FMNL2: variants seen among roughly 807,000 people sequenced by gnomAD.
FMNL2 encodes the protein formin like 2, also known as formin-like protein 2.
A neutral mutation model predicts 130.2 loss-of-function variants in FMNL2; 51 were observed. That is an observed-to-expected ratio of 0.39 (90% CI 0.31 to 0.49). The LOEUF (loss-of-function observed/expected upper bound fraction) is 0.49, where lower values mean the gene tolerates loss of function less well. Among genes scored for constraint, FMNL2 ranks in the 20% least tolerant of loss-of-function variants. The pLI, the probability that FMNL2 is intolerant of heterozygous loss-of-function variation, is 0.85. For missense variants in FMNL2, 977 were observed against 1,316.2 expected (o/e 0.74, Z 3.99); for synonymous variants, 465 against 467.1 (o/e 1.00, Z 0.06).
intron 1 of FMNL2, among the ~76,000 whole-genome samples, chr2:152,405,830 G>A (rs1236033650): frequency 1.3e-5 from 2 of 152,210 alleles, no homozygotes; most frequent in African/African-American, 4.8e-5. Flanking sequence ...TCACTTGGCT[G>A]CCTTATTGGA....
chr2:152,409,630 A>G (rs1285254631), intron 1 of FMNL2, among the ~76,000 whole-genome samples: 3 of 152,216 alleles, frequency 2.0e-5, no homozygotes, highest in Non-Finnish European at 4.4e-5. Context: ...ATGACTGCTA[A>G]TGGTGACTCT....
chr2:152,604,999 G>A (rs1485952500), intron 9 of FMNL2, among the ~76,000 whole-genome samples: 1 of 152,066 alleles, frequency 6.6e-6, no homozygotes. Flanking sequence ...GGCAAGAGAT[G>A]CTTGTCTCTT....
At position 152,343,399 on chromosome 2, in the gene FMNL2, G is replaced by A. The variant is rs548781630; in HGVS notation, c.117+7679G>A. Among the ~76,000 whole-genome samples, 7 of 152,204 alleles carry A rather than the reference G, an allele frequency of 4.6e-5. No homozygotes were observed. In the South Asian group the frequency reaches 1.0e-3, roughly 23 times the overall value. On this transcript the variant is annotated intron_variant, in intron 1 of 25. Coordinates refer to ENST00000288670, the MANE Select transcript of FMNL2 (RefSeq NM_052905.4). Reference sequence around the variant, plus strand: ...CAACCTCTGCCTCCTGGGTTCAAGCGATCCTCCTGCCTCAGCCTCCTGAGT... The same window carrying A: ...CAACCTCTGCCTCCTGGGTTCAAGCAATCCTCCTGCCTCAGCCTCCTGAGT...
At chr2:152,634,240 G>A (rs914926801) in intron 21 of FMNL2, among the ~76,000 whole-genome samples, 2 of 152,026 alleles carry the variant, frequency 1.3e-5, no homozygotes, top group Non-Finnish European at 2.9e-5. Context: ...TGAGACCAGC[G>A]TGGCCAACAT....
intron 4 of FMNL2, among the ~76,000 whole-genome samples, chr2:152,557,827 A>G (rs1416592222): frequency 1.3e-5 from 2 of 152,204 alleles, no homozygotes; most frequent in Non-Finnish European, 2.9e-5. Context: ...TGGCAGATGT[A>G]CCTCAAGTGG....
intron 1 of FMNL2, 23 bp downstream of exon 1, chr2:152,335,743 G>C: frequency 6.5e-7 from 1 of 1,543,992 alleles, no homozygotes; most frequent in African/African-American, 1.4e-5. Context: ...CGGCGGTCGG[G>C]CGCGGGGACC....
rs761306675 is a variant in FMNL2 at position 152,335,618 on chromosome 2, G to T, written c.15G>T (p.Gly5=). The T allele has an allele frequency of 6.3e-7, 1 of 1,591,032 alleles. No individual in the cohort carries two copies. Among genetic ancestry groups the T allele is most frequent in the Admixed American group, 1.7e-5 (1 of 58,438 alleles). The change falls in exon 1 of 26, where the codon GGG becomes GGT. Residue 5 remains glycine (G), a synonymous_variant. Coordinates refer to ENST00000288670, the MANE Select transcript of FMNL2 (RefSeq NM_052905.4). The part of the protein sequence containing the change: MGNA[G]SMDSQQTDFR... ...GCGCCGCCGACATGGGCAACGCAGG[G>T]AGCATGGATTCGCAGCAGACCGATT... is the stretch of plus-strand genomic sequence containing the variant.
At chr2:152,490,226 A>AG (rs1448555409) in intron 1 of FMNL2, among the ~76,000 whole-genome samples, 1 of 151,536 alleles carries the variant, frequency 6.6e-6, no homozygotes, top group Non-Finnish European at 1.5e-5. Context: ...AGTGAGCATG[A>AG]GGCCAGCAGT....
At chr2:152,550,907 G>A (rs1007244289) in intron 4 of FMNL2, among the ~76,000 whole-genome samples, 2 of 152,078 alleles carry the variant, frequency 1.3e-5, no homozygotes, top group Non-Finnish European at 2.9e-5. Flanking sequence ...AGAGGCTGAG[G>A]TGGGTGGATC....
intron 6 of FMNL2, among the ~76,000 whole-genome samples, chr2:152,566,606 A>C (rs12476261): frequency 0.16 from 24,401 of 152,234 alleles, 2,292 homozygotes; most frequent in Non-Finnish European, 0.22. Context: ...TTATGGACTT[A>C]GTTTGTAAAG....
chr2:152,397,205 T>A (rs1361022313), intron 1 of FMNL2, among the ~76,000 whole-genome samples: 3 of 152,208 alleles, frequency 2.0e-5, no homozygotes, highest in Non-Finnish European at 4.4e-5. Context: ...AGAAATCTTT[T>A]TTTTTCCCAT....
chr2:152,470,180 A>C (rs758930707), intron 1 of FMNL2, among the ~76,000 whole-genome samples: 7 of 152,142 alleles, frequency 4.6e-5, no homozygotes, highest in Non-Finnish European at 8.8e-5. Flanking sequence ...GAGGTGGGTG[A>C]TATTTGAGGC....
chr2:152,494,453 T>A (rs1019605956), intron 1 of FMNL2, among the ~76,000 whole-genome samples: 1 of 152,216 alleles, frequency 6.6e-6, no homozygotes, highest in African/African-American at 2.4e-5. Flanking sequence ...ACAATAATAA[T>A]GCTGCAGTGT....
chr2:152,564,798 T>TTTTTTA (rs1553477782), intron 6 of FMNL2, among the ~76,000 whole-genome samples: 1 of 146,400 alleles, frequency 6.8e-6, no homozygotes, highest in African/African-American at 2.6e-5. Flanking sequence ...TTTTTTTTTT[T>TTTTTTA]AACCAAATTC....
At chr2:152,515,710 A>G (rs1692730661) in intron 1 of FMNL2, among the ~76,000 whole-genome samples, 2 of 152,144 alleles carry the variant, frequency 1.3e-5, no homozygotes, top group African/African-American at 4.8e-5. Context: ...TTGTCCTCCG[A>G]TTTCCTTCTC....
intron 1 of FMNL2, among the ~76,000 whole-genome samples, chr2:152,388,494 A>G (rs1230246030): frequency 1.3e-5 from 2 of 152,170 alleles, no homozygotes; most frequent in Non-Finnish European, 2.9e-5. Context: ...TGAGAACAGC[A>G]TGAGCCTAAC....
intron 6 of FMNL2, among the ~76,000 whole-genome samples, chr2:152,571,251 G>C (rs764846345): frequency 2.0e-5 from 3 of 152,168 alleles, no homozygotes; most frequent in African/African-American, 7.2e-5. Context: ...CCAGGGGAGT[G>C]CATTGCTGCT....
chr2:152,362,646 A>C lies in FMNL2; in HGVS notation c.117+26926A>C, dbSNP rs972517029. On this transcript the variant is annotated intron_variant, in intron 1 of 25. Coordinates refer to ENST00000288670, the MANE Select transcript of FMNL2 (RefSeq NM_052905.4). Reference sequence around the variant, plus strand: ...GAGTGCCTTGTGGTTCTTTAGAGTCATGGTCATAATCATCCATAATCATTG... The same window carrying C: ...GAGTGCCTTGTGGTTCTTTAGAGTCCTGGTCATAATCATCCATAATCATTG... 4.0e-5 allele frequency among the ~76,000 whole-genome samples: 6 copies of C among 151,842 alleles called. 1 individual carries two copies. The South Asian group carries it at 8.3e-4, about 21-fold the overall frequency.
intron 1 of FMNL2, among the ~76,000 whole-genome samples, chr2:152,376,272 A>G (rs1684167514): frequency 6.6e-6 from 1 of 152,156 alleles, no homozygotes. Flanking sequence ...GGACGTTTAA[A>G]TTGCTTCTAC....
Sources: allele counts gnomAD v4.1 joint callset (sites outside exome capture counted in the v4.1 genomes callset), GRCh38; gene constraint gnomAD v4.1.1; transcripts MANE v1.5; gene names NCBI Gene and HGNC (gene_info 2026-07-23, HGNC 2026-07-21).